Variants in SCFD2 observed in about 807,000 individuals in gnomAD.
The protein encoded by SCFD2 is sec1 family domain-containing protein 2.
A neutral mutation model predicts 58.9 loss-of-function variants in SCFD2; 54 were observed. The observed-to-expected ratio is 0.92, with a 90% CI of 0.74 to 1.15. The LOEUF (loss-of-function observed/expected upper bound fraction) is 1.15. Ranked by LOEUF, SCFD2 falls within the 50% of genes most tolerant of loss-of-function variation. The probability of loss-of-function intolerance (pLI) is 0.00; values close to 1 mark genes in which losing one functional copy is unlikely to be tolerated. For missense variants in SCFD2, 805 were observed against 836.6 expected (o/e 0.96, Z 0.47); for synonymous variants, 321 against 335.9 (o/e 0.96, Z 0.49).
At chr4:52,938,569 T>C (rs1016690073) in intron 5 of SCFD2, among the ~76,000 whole-genome samples, 1 of 152,214 alleles carries the variant, frequency 6.6e-6, no homozygotes, top group Non-Finnish European at 1.5e-5. Context: ...ATCTGTAATA[T>C]ACTAACAAGC....
chr4:53,186,546 A>T (rs1184815506), intron 4 of SCFD2, among the ~76,000 whole-genome samples: 4 of 152,128 alleles, frequency 2.6e-5, no homozygotes, highest in African/African-American at 9.6e-5. Flanking sequence ...AAAAACAAAG[A>T]AAGAGTCATG....
intron 5 of SCFD2, among the ~76,000 whole-genome samples, chr4:52,978,230 C>A (rs11725169): frequency 2.8e-3 from 426 of 152,292 alleles, no homozygotes; most frequent in Middle Eastern, 6.8e-3. Flanking sequence ...GCAGGCCCAA[C>A]AGAGAAGCTG....
At chr4:53,347,135 T>G (rs1329655001) in intron 2 of SCFD2, among the ~76,000 whole-genome samples, 1 of 152,184 alleles carries the variant, frequency 6.6e-6, no homozygotes, top group African/African-American at 2.4e-5. Flanking sequence ...CCAGATATAT[T>G]TAATGTGTCA....
chr4:53,184,249 CTTGCAACT>C (rs965134648), intron 4 of SCFD2, among the ~76,000 whole-genome samples: 2 of 152,076 alleles, frequency 1.3e-5, no homozygotes, highest in African/African-American at 4.8e-5. Flanking sequence ...CCCACCAGTC[CTTGCAACT>C]AGATGTGGTC....
At chr4:53,236,213 AGCCTACATCT>A (rs1258394662) in intron 4 of SCFD2, among the ~76,000 whole-genome samples, 8 of 152,152 alleles carry the variant, frequency 5.3e-5, no homozygotes, top group Admixed American at 3.9e-4. Context: ...CTAGCCTCTC[AGCCTACATCT>A]TTCTCCCATG....
intron 5 of SCFD2, among the ~76,000 whole-genome samples, chr4:52,980,583 A>G (rs1221464653): frequency 1.3e-5 from 2 of 152,208 alleles, no homozygotes; most frequent in East Asian, 3.8e-4. Flanking sequence ...CGAGACATAC[A>G]AAGTCCTTCA....
At chr4:53,037,156 T>C (rs1258651680) in intron 5 of SCFD2, among the ~76,000 whole-genome samples, 9 of 152,148 alleles carry the variant, frequency 5.9e-5, no homozygotes, top group Admixed American at 5.9e-4. Context: ...CTGAGGACTG[T>C]TCAAATAAAT....
At chr4:53,356,472 C>A (rs1266310020) in intron 1 of SCFD2, among the ~76,000 whole-genome samples, 13 of 152,148 alleles carry the variant, frequency 8.5e-5, no homozygotes, top group Admixed American at 8.5e-4. Context: ...GTTGCCCAGG[C>A]AGGAGTGCAG....
intron 3 of SCFD2, among the ~76,000 whole-genome samples, chr4:53,289,923 G>A (rs753621533): frequency 6.6e-6 from 1 of 152,160 alleles, no homozygotes; most frequent in South Asian, 2.1e-4. Flanking sequence ...AATTCATCAA[G>A]AGGACATAAC....
chr4:53,345,628 C>T (rs1734033415), intron 2 of SCFD2, among the ~76,000 whole-genome samples: 1 of 151,772 alleles, frequency 6.6e-6, no homozygotes, highest in Admixed American at 6.6e-5. Context: ...AATCATGCTG[C>T]CATAAAGACA....
intron 3 of SCFD2, among the ~76,000 whole-genome samples, chr4:53,280,478 T>C (rs1393995110): frequency 6.6e-6 from 1 of 151,714 alleles, no homozygotes; most frequent in African/African-American, 2.4e-5. Context: ...ATTGCCCCAT[T>C]GCACTCCAGC....
intron 3 of SCFD2, among the ~76,000 whole-genome samples, chr4:53,276,561 G>A (rs894236477): frequency 1.8e-4 from 28 of 151,998 alleles, no homozygotes; most frequent in Non-Finnish European, 3.8e-4. Context: ...TTTTGTCACC[G>A]AGGTACTATG....
At chr4:53,249,636 GT>G (rs1295360387) in intron 4 of SCFD2, among the ~76,000 whole-genome samples, 1 of 152,208 alleles carries the variant, frequency 6.6e-6, no homozygotes, top group Non-Finnish European at 1.5e-5. Context: ...CCAGAAGAGA[GT>G]GGGGGCCAAT....
chr4:53,123,610 A>G (rs1329745900), intron 5 of SCFD2, among the ~76,000 whole-genome samples: 4 of 152,112 alleles, frequency 2.6e-5, no homozygotes, highest in Non-Finnish European at 5.9e-5. Context: ...TTGATGCCCA[A>G]AATGCTACTA....
intron 4 of SCFD2, among the ~76,000 whole-genome samples, chr4:53,267,124 A>G (rs1731013357): frequency 6.6e-6 from 1 of 152,138 alleles, no homozygotes; most frequent in African/African-American, 2.4e-5. Flanking sequence ...GGTTGTCTAT[A>G]ACATTACTTA....
chr4:53,344,371 A>T (rs1733987570), intron 2 of SCFD2, among the ~76,000 whole-genome samples: 1 of 152,160 alleles, frequency 6.6e-6, no homozygotes, highest in Non-Finnish European at 1.5e-5. Flanking sequence ...AGAATAAAAT[A>T]CCTAGGAATC....
chr4:52,952,695 A>G (rs970772258), intron 5 of SCFD2, among the ~76,000 whole-genome samples: 1 of 152,166 alleles, frequency 6.6e-6, no homozygotes, highest in African/African-American at 2.4e-5. Flanking sequence ...CCTGATACAT[A>G]TCTCATGATT....
At chr4:53,152,746 G>GA (rs1015960677) in intron 4 of SCFD2, among the ~76,000 whole-genome samples, 29 of 152,112 alleles carry the variant, frequency 1.9e-4, no homozygotes, top group Admixed American at 5.2e-4. Flanking sequence ...TTATAAGCCT[G>GA]AAAAATCAAA....
At chr4:53,249,857 T>A (rs955768236) in intron 4 of SCFD2, among the ~76,000 whole-genome samples, 7 of 152,120 alleles carry the variant, frequency 4.6e-5, no homozygotes, top group African/African-American at 1.7e-4. Flanking sequence ...TGACAAATTG[T>A]AAAGACCATC....
Sources: gnomAD v4.1 joint callset for allele counts (sites outside exome capture counted in the v4.1 genomes callset) on GRCh38, gnomAD v4.1.1 for gene constraint, MANE v1.5 for transcripts, NCBI Gene and HGNC (gene_info 2026-07-23, HGNC 2026-07-21) for gene names.